EFEMP1: variants seen among roughly 807,000 people sequenced by gnomAD.
EFEMP1 encodes the protein EGF-containing fibulin-like extracellular matrix protein 1.
Under a neutral mutation model 65.7 loss-of-function variants are expected in EFEMP1, and 18 were observed. The ratio of observed to expected loss-of-function variants is 0.27; its 90% CI spans 0.19 to 0.41. The LOEUF is 0.41. Among genes scored for constraint, EFEMP1 ranks in the 10% least tolerant of loss-of-function variants. The probability of loss-of-function intolerance (pLI) is 1.00; values close to 1 mark genes in which losing one functional copy is unlikely to be tolerated. For synonymous variants in EFEMP1, 237 were observed against 219.7 expected, an observed-to-expected ratio of 1.08 and a Z score of -0.70; for missense variants, 469 against 624.8, an observed-to-expected ratio of 0.75 and a Z score of 2.66.
At chr2:55,888,815 G>A (rs1669525646) in intron 5 of EFEMP1, among the ~76,000 whole-genome samples, 1 of 152,154 alleles carries the variant, frequency 6.6e-6, no homozygotes. Flanking sequence ...TTAAGCCCAT[G>A]CCACACAGGC....
intron 5 of EFEMP1, among the ~76,000 whole-genome samples, chr2:55,893,118 G>A (rs997018961): frequency 5.9e-5 from 9 of 152,102 alleles, no homozygotes; most frequent in Non-Finnish European, 1.3e-4. Flanking sequence ...GTGTAAGGGG[G>A]TACCCTGTCA....
At chr2:55,875,372 A>ATT (rs140924184) in intron 8 of EFEMP1, among the ~76,000 whole-genome samples, 2,475 of 148,934 alleles carry the variant, frequency 0.017, 66 homozygotes, top group South Asian at 0.11. Context: ...ACACATATAT[A>ATT]TTTTTTTTGT....
rs921048013 is a variant in EFEMP1, at chr2:55,885,217, G to A, written c.518-3483C>T. Among the ~76,000 whole-genome samples the A allele has an allele frequency of 5.9e-5, 9 of 152,182 alleles. No individual in the cohort carries two copies. Among genetic ancestry groups the A allele is most frequent in the Non-Finnish European group, 1.2e-4 (8 of 68,038 alleles). On this transcript the variant is annotated intron_variant, in intron 5 of 11. Transcript: ENST00000355426. The surrounding 1 kb of genome is among the most constrained non-coding windows in gnomAD (Gnocchi z 4.3). ...GAGATACATGGGTTGCCAGGAAAAGGAAGCTGTTTCTAGGCAGAAAGCAGC... is the reference window on the plus strand; with the variant it reads ...GAGATACATGGGTTGCCAGGAAAAGAAAGCTGTTTCTAGGCAGAAAGCAGC...
At position 55,877,354 on chromosome 2, in the gene EFEMP1, T is replaced by C. The variant is rs991604546; in HGVS notation, c.760+392A>G. On this transcript the variant is annotated intron_variant, in intron 7 of 11. Transcript: ENST00000355426. The surrounding 1 kb of genome is among the most constrained non-coding windows in gnomAD (Gnocchi z 4.5). ...AATCTTTTAATTGTGTGCCGTGACA[T>C]TGCATTCTGAAAGGGGAGAAGAGGC... Among the ~76,000 whole-genome samples, 1 of 152,174 alleles carries C rather than the reference T, an allele frequency of 6.6e-6. No homozygotes were observed. Among genetic ancestry groups the C allele is most frequent in the African/African-American group, 2.4e-5 (1 of 41,456 alleles).
Position 55,877,717 on chromosome 2 carries a change from A to T in EFEMP1, c.760+29T>A, listed in dbSNP as rs991946227. 1 of 1,612,322 alleles carries T rather than the reference A, an allele frequency of 6.2e-7. No homozygotes were observed. Among genetic ancestry groups the T allele is most frequent in the African/African-American group, 1.3e-5 (1 of 74,838 alleles). On this transcript the variant is annotated intron_variant, in intron 7 of 11. Transcript: ENST00000355426. The surrounding 1 kb of genome is among the most constrained non-coding windows in gnomAD (Gnocchi z 4.5). Reference sequence around the variant, plus strand: ...GCATGGGGTTTCCTTTTGTGAAGACAGAAATCAGCAAGTTCTCAAAAGGCT... The same window carrying T: ...GCATGGGGTTTCCTTTTGTGAAGACTGAAATCAGCAAGTTCTCAAAAGGCT...
Position 55,917,915 on chromosome 2 carries a change from T to C in EFEMP1, c.267A>G (p.Gln89=), listed in dbSNP as rs373374071. 4 of 1,614,082 alleles carry C rather than the reference T, an allele frequency of 2.5e-6. No homozygotes were observed. The highest frequency in any genetic ancestry group is 2.7e-5 in the African/African-American group (2 of 74,920). ...TTGCCCCTGAGGTTCCTTCTGCTGG[T>C]TGTGTTTCCTGCTGAGGCTGTTCAT... The part of the protein sequence containing the change: ...VNNEQPQQET[Q]PAEGTSGATT... The change falls in exon 5 of 12, where the codon CAA becomes CAG. Residue 89 remains glutamine (Q), a synonymous_variant. Coordinates refer to ENST00000355426, the MANE Select transcript of EFEMP1 (RefSeq NM_001039348.3). The surrounding 1 kb of genome is among the most constrained non-coding windows in gnomAD (Gnocchi z 6.3).
rs1476363852 is a variant in EFEMP1 at position 55,917,882 on chromosome 2, C to T, written c.300G>A (p.Gly100=). 3 of 1,614,220 alleles carry T rather than the reference C, an allele frequency of 1.9e-6. No homozygotes were observed. The highest frequency in any genetic ancestry group is 2.2e-5 in the South Asian group (2 of 91,080). ...PAEGTSGATT[G]VVAASSMATS... is the part of the protein sequence containing the mutation. ...TTGCCATGCTGCTGGCAGCTACAAC[C>T]CCGGTGGTTGCCCCTGAGGTTCCTT... The change falls in exon 5 of 12, where the codon GGG becomes GGA. Residue 100 remains glycine (G), a synonymous_variant. Coordinates refer to ENST00000355426, the MANE Select transcript of EFEMP1 (RefSeq NM_001039348.3). This position sits in a 1 kb window ranked among gnomAD's most constrained non-coding sequence, Gnocchi z 6.3.
At chr2:55,878,557 C>A (rs956173378) in intron 6 of EFEMP1, among the ~76,000 whole-genome samples, 1 of 152,158 alleles carries the variant, frequency 6.6e-6, no homozygotes, top group Non-Finnish European at 1.5e-5. Context: ...TTCATTAATT[C>A]ATGATTCTAC....
chr2:55,897,570 GA>G (rs1344153800), intron 5 of EFEMP1, among the ~76,000 whole-genome samples: 1 of 151,924 alleles, frequency 6.6e-6, no homozygotes, highest in African/African-American at 2.4e-5. Context: ...GGTCTCCCAA[GA>G]AAAAAAGTCA....
intron 5 of EFEMP1, among the ~76,000 whole-genome samples, chr2:55,900,576 GTCTATT>G (rs1425709077): frequency 6.6e-6 from 1 of 152,094 alleles, no homozygotes; most frequent in African/African-American, 2.4e-5. Context: ...AGAATGTTTG[GTCTATT>G]TCTATCTTCT....
chr2:55,895,808 C>T (rs6545530), intron 5 of EFEMP1, among the ~76,000 whole-genome samples: 89,583 of 151,262 alleles, frequency 0.59, 28,324 homozygotes, highest in East Asian at 0.9. Flanking sequence ...CCCAAAGTGC[C>T]GGGATTACAG....
rs374690853 is a variant in EFEMP1 at position 55,867,142 on chromosome 2, G to A, written c.1413C>T (p.Ser471=). ...AGCTTGTGCGGAAGGTCCCTATACT[G>A]CTGACTGTCAGCATCTCCAGGTCCA... The part of the protein sequence containing the change: ...HIVDLEMLTV[S]SIGTFRTSSV... Residue 471 remains serine, a synonymous_variant, in exon 12 of 12, where the codon AGC becomes AGT. Transcript: ENST00000355426. This position sits in a 1 kb window ranked among gnomAD's most constrained non-coding sequence, Gnocchi z 4.3. 3.4e-4 allele frequency: 542 copies of A among 1,613,748 alleles called. No individual in the cohort carries two copies. The highest frequency in any genetic ancestry group is 4.2e-4 in the Non-Finnish European group (490 of 1,179,950).
chr2:55,894,580 C>T (rs532738886), intron 5 of EFEMP1, among the ~76,000 whole-genome samples: 3 of 152,246 alleles, frequency 2.0e-5, no homozygotes, highest in Admixed American at 6.5e-5. Context: ...TCAGTCATAT[C>T]AGATAGGAGA....
chr2:55,911,196 T>C (rs781014604), intron 5 of EFEMP1, among the ~76,000 whole-genome samples: 2 of 152,212 alleles, frequency 1.3e-5, no homozygotes, highest in Admixed American at 6.5e-5. Flanking sequence ...GATACAGTCT[T>C]AATCAGGACT....
Position 55,920,949 on chromosome 2 carries a change from T to C in EFEMP1, c.81+1411A>G, listed in dbSNP as rs567406166. Among the ~76,000 whole-genome samples the C allele has an allele frequency of 1.5e-4, 23 of 152,326 alleles. No homozygotes were observed. The South Asian group carries it at 2.9e-3, about 19-fold the overall frequency. On this transcript the variant is annotated intron_variant, in intron 3 of 11. Coordinates refer to ENST00000355426, the MANE Select transcript of EFEMP1 (RefSeq NM_001039348.3). Reference sequence around the variant, plus strand: ...AAGGGTAACATATCTGGAAAATTTGTTACAATAATAATGAACCCTAGTTAG... The same window carrying C: ...AAGGGTAACATATCTGGAAAATTTGCTACAATAATAATGAACCCTAGTTAG...
rs1241817531 is a variant in EFEMP1 at position 55,922,426 on chromosome 2, A to G, written c.15T>C (p.Leu5=). 6.2e-7 allele frequency: 1 copy of G among 1,613,794 alleles called. No individual in the cohort carries two copies. The highest frequency in any genetic ancestry group is 8.5e-7 in the Non-Finnish European group (1 of 1,179,752). The change falls in exon 3 of 12, where the codon CTT becomes CTC. Residue 5 remains leucine, a synonymous_variant. Coordinates refer to ENST00000355426, the MANE Select transcript of EFEMP1 (RefSeq NM_001039348.3). The surrounding 1 kb of genome is among the most constrained non-coding windows in gnomAD (Gnocchi z 5.5). ...GCGCCAGAGTCAGCATAGTTAGGAA[A>G]AGGGCTTTCAACATTGTGAATCTCA... MLKA[L]FLTMLTLALV...
chr2:55,898,264 C>T (rs762819914), intron 5 of EFEMP1, among the ~76,000 whole-genome samples: 3 of 152,086 alleles, frequency 2.0e-5, no homozygotes, highest in East Asian at 1.9e-4. Context: ...GTAATACCTA[C>T]GAATAAATAT....
intron 5 of EFEMP1, among the ~76,000 whole-genome samples, chr2:55,909,855 T>C (rs1338511590): frequency 1.3e-5 from 2 of 152,190 alleles, no homozygotes; most frequent in Non-Finnish European, 2.9e-5. Flanking sequence ...GGGACAATTA[T>C]TACAAATTCC....
At chr2:55,904,118 C>T (rs1352229498) in intron 5 of EFEMP1, among the ~76,000 whole-genome samples, 2 of 152,054 alleles carry the variant, frequency 1.3e-5, no homozygotes, top group African/African-American at 4.8e-5. Flanking sequence ...GCAGGTACTC[C>T]CTGAATTTTT....
Sources: gnomAD v4.1 joint callset for allele counts (sites outside exome capture counted in the v4.1 genomes callset) on GRCh38, gnomAD v4.1.1 for gene constraint, Gnocchi (gnomAD v3.1) non-coding constraint, MANE v1.5 for transcripts, NCBI Gene and HGNC (gene_info 2026-07-23, HGNC 2026-07-21) for gene names.